BFAR: variants seen among roughly 807,000 people sequenced by gnomAD.
BFAR encodes bifunctional apoptosis regulator.
Under a neutral mutation model 54.4 loss-of-function variants are expected in BFAR, and 52 were observed. The ratio of observed to expected loss-of-function variants is 0.96; its 90% CI spans 0.77 to 1.21. The LOEUF (loss-of-function observed/expected upper bound fraction) is 1.21, where lower values mean the gene tolerates loss of function less well. Ranked by LOEUF, BFAR falls within the 50% of genes most tolerant of loss-of-function variation. The probability of loss-of-function intolerance (pLI) is 0.00; values close to 1 mark genes in which losing one functional copy is unlikely to be tolerated. For synonymous variants in BFAR, 215 were observed against 204.3 expected (o/e 1.05, Z -0.45); for missense variants, 571 against 534.0 (o/e 1.07, Z -0.68).
intron 2 of BFAR, 37 bp from the exon 3 acceptor site, chr16:14,648,351 A>G: frequency 6.5e-7 from 1 of 1,540,728 alleles, no homozygotes; most frequent in South Asian, 1.1e-5. Flanking sequence ...TATTTAGTCA[A>G]ACAACTGTCT....
At chr16:14,637,245 CTA>C (rs984431560) in intron 1 of BFAR, among the ~76,000 whole-genome samples, 1 of 152,124 alleles carries the variant, frequency 6.6e-6, no homozygotes, top group Admixed American at 6.5e-5. Flanking sequence ...AGTAGCATCT[CTA>C]TGATGTGGCC....
rs76442870 is a variant in BFAR at position 14,642,678 on chromosome 16, G to A, written c.-73-1596G>A. Reference sequence around the variant, plus strand: ...TTGGCCTGGCACAGCTAGAAAATGAGGCTTCACTCACTTCTTGGAATTGCT... The same window carrying A: ...TTGGCCTGGCACAGCTAGAAAATGAAGCTTCACTCACTTCTTGGAATTGCT... On this transcript the variant is annotated intron_variant, in intron 1 of 7. Transcript: ENST00000261658. Among the ~76,000 whole-genome samples, 1,028 of 152,178 alleles carry A rather than the reference G, an allele frequency of 6.8e-3. 9 individuals are homozygous for A. Among genetic ancestry groups the A allele is most frequent in the African/African-American group, 0.022 (919 of 41,518 alleles).
At chr16:14,650,089 A>T (rs760802862) in intron 4 of BFAR, 116 bp downstream of exon 4, 8 of 1,030,282 alleles carry the variant, frequency 7.8e-6, no homozygotes, top group Non-Finnish European at 1.1e-5. Context: ...TGGGAGGCCG[A>T]GGCGGATCGA....
At chr16:14,646,983 C>G (rs1959815798) in intron 2 of BFAR, among the ~76,000 whole-genome samples, 1 of 151,936 alleles carries the variant, frequency 6.6e-6, no homozygotes, top group African/African-American at 2.4e-5. Flanking sequence ...CACTATGTTG[C>G]CCAGGCTGGT....
intron 5 of BFAR, among the ~76,000 whole-genome samples, chr16:14,659,692 A>G (rs760182105): frequency 2.8e-4 from 43 of 151,822 alleles, no homozygotes; most frequent in Non-Finnish European, 5.2e-4. Context: ...CTGGGACTAC[A>G]GGCACCCGCC....
chr16:14,657,923 A>G (rs1189711752), intron 5 of BFAR, among the ~76,000 whole-genome samples: 2 of 152,066 alleles, frequency 1.3e-5, no homozygotes, highest in Non-Finnish European at 2.9e-5. Flanking sequence ...GAGTCTCACC[A>G]TGTTGCCCAG....
chr16:14,667,747 T>A lies in BFAR; in HGVS notation c.1273T>A (p.Trp425Arg). 1 of 1,614,192 alleles carries A rather than the reference T, an allele frequency of 6.2e-7. No homozygotes were observed. Among genetic ancestry groups the A allele is most frequent in the Non-Finnish European group, 8.5e-7 (1 of 1,180,020 alleles). ...GTTTGTTTGCAACTGTTTGTTTTAC[T>A]GGGCCCTGTACTTTAACCCAATTAT... is the stretch of plus-strand genomic sequence containing the variant. ...PQFVCNCLFYWALYFNPIINI... is the reference protein window; with the variant it reads ...PQFVCNCLFYRALYFNPIINI... Residue 425 changes from tryptophan (W) to arginine (R), a missense_variant, in exon 8 of 8, where the codon TGG becomes AGG. By Grantham distance (101) the Trp-to-Arg change is moderately radical. Transcript: ENST00000261658.
At chr16:14,654,873 T>G (rs551010115) in intron 4 of BFAR, among the ~76,000 whole-genome samples, 193 bp from the exon 5 acceptor site, 17 of 152,346 alleles carry the variant, frequency 1.1e-4, no homozygotes, top group African/African-American at 4.1e-4. Flanking sequence ...TGATGACTTA[T>G]GAAAGTATTT....
At chr16:14,658,287 G>C (rs1199214835) in intron 5 of BFAR, among the ~76,000 whole-genome samples, 1 of 152,124 alleles carries the variant, frequency 6.6e-6, no homozygotes, top group African/African-American at 2.4e-5. Flanking sequence ...CAGTGCACAG[G>C]AAGGGTGGTC....
intron 1 of BFAR, among the ~76,000 whole-genome samples, chr16:14,640,251 A>G (rs976250234): frequency 3.9e-5 from 6 of 152,022 alleles, no homozygotes; most frequent in African/African-American, 1.2e-4. Flanking sequence ...AGAAACAACC[A>G]TATATACCCA....
At chr16:14,648,947 A>G (rs1197733187) in intron 3 of BFAR, among the ~76,000 whole-genome samples, 1 of 151,832 alleles carries the variant, frequency 6.6e-6, no homozygotes, top group Non-Finnish European at 1.5e-5. Flanking sequence ...ACTTTCTTTT[A>G]GGGTGGTGAA....
intron 7 of BFAR, among the ~76,000 whole-genome samples, chr16:14,665,446 G>C (rs1567497229): frequency 6.6e-6 from 1 of 152,166 alleles, no homozygotes; most frequent in Non-Finnish European, 1.5e-5. Flanking sequence ...AAGCTGAGGG[G>C]CTGAAGGAAG....
intron 6 of BFAR, among the ~76,000 whole-genome samples, chr16:14,664,006 CA>C (rs1960365619): frequency 6.6e-6 from 1 of 152,068 alleles, no homozygotes; most frequent in Admixed American, 6.6e-5. Context: ...CTTTGGGAGG[CA>C]GAGGCGGGCA....
rs761858793 is a variant in BFAR, at chr16:14,667,739, T to G, written c.1265T>G (p.Leu422Trp). Reference protein sequence around the residue: ...PLIPQFVCNCLFYWALYFNPI... With the variant: ...PLIPQFVCNCWFYWALYFNPI... ...ATCCCTCAGTTTGTTTGCAACTGTTTGTTTTACTGGGCCCTGTACTTTAAC... is the reference window on the plus strand; with the variant it reads ...ATCCCTCAGTTTGTTTGCAACTGTTGGTTTTACTGGGCCCTGTACTTTAAC... Residue 422 changes from leucine (L) to tryptophan (W), a missense_variant, in exon 8 of 8, where the codon TTG becomes TGG. Physicochemically the swap from Leu to Trp is moderately conservative, Grantham distance 61. Transcript: ENST00000261658. 4 of 1,614,046 alleles carry G rather than the reference T, an allele frequency of 2.5e-6. No homozygotes were observed. In the African/African-American group the frequency reaches 5.3e-5, roughly 22 times the overall value.
Position 14,668,032 on chromosome 16 carries a change from TTGTC to T in BFAR, c.*209_*212del. On this transcript the variant is annotated 3_prime_UTR_variant, in exon 8 of 8. Coordinates refer to ENST00000261658, the MANE Select transcript of BFAR (RefSeq NM_016561.3). Reference sequence around the variant, plus strand: ...AGGACTGACATCCGCACAGGGAGGATTGTCTGTTTGGCTGACACAGCAGCAGCCC... The same window carrying T: ...AGGACTGACATCCGCACAGGGAGGATTGTTTGGCTGACACAGCAGCAGCCC... 1.7e-6 allele frequency: 1 copy of T among 577,318 alleles called. No homozygotes were observed. Among genetic ancestry groups the T allele is most frequent in the Non-Finnish European group, 3.0e-6 (1 of 330,194 alleles). 35.8% of individuals were successfully genotyped at this position (577,318 alleles called of 1,614,324 possible). A position where few individuals can be genotyped will look rare whatever the true frequency, so the allele number is the denominator to read the frequency against.
At chr16:14,647,096 C>CT (rs1192887117) in intron 2 of BFAR, among the ~76,000 whole-genome samples, 1 of 150,706 alleles carries the variant, frequency 6.6e-6, no homozygotes, top group African/African-American at 2.4e-5. Context: ...TCAAAATACT[C>CT]TTTTTTGAGA....
chr16:14,646,242 G>A lies in BFAR; in HGVS notation c.263+1633G>A, dbSNP rs140917937. Among the ~76,000 whole-genome samples the A allele has an allele frequency of 6.8e-3, 1,039 of 151,880 alleles. 9 individuals are homozygous for A. The highest frequency in any genetic ancestry group is 0.022 in the African/African-American group (930 of 41,444). On this transcript the variant is annotated intron_variant, in intron 2 of 7. Transcript: ENST00000261658. ...CTAATTTTGTATTTTTAGTAGAGAC[G>A]GGGTTTCCCCATGTTGATGAGGCTA...
At chr16:14,666,920 A>G (rs1885373678) in intron 7 of BFAR, among the ~76,000 whole-genome samples, 1 of 152,088 alleles carries the variant, frequency 6.6e-6, no homozygotes, top group Admixed American at 6.6e-5. Context: ...ATGTACGTTA[A>G]AAAATAGATG....
At chr16:14,662,758 T>C (rs1392544785) in intron 6 of BFAR, among the ~76,000 whole-genome samples, 1 of 152,052 alleles carries the variant, frequency 6.6e-6, no homozygotes, top group Non-Finnish European at 1.5e-5. Flanking sequence ...ATTCAAACCA[T>C]CCTCCTGTAG....
Sources: gnomAD v4.1 joint callset for allele counts (sites outside exome capture counted in the v4.1 genomes callset) on GRCh38, gnomAD v4.1.1 for gene constraint, MANE v1.5 for transcripts, NCBI Gene and HGNC (gene_info 2026-07-23, HGNC 2026-07-21) for gene names.